The following TRAK1 variants were observed in gnomAD, a reference collection of about 807,000 sequenced individuals.
TRAK1 encodes the protein trafficking kinesin-binding protein 1.
A neutral mutation model predicts 92.1 loss-of-function variants in TRAK1; 33 were observed. The ratio of observed to expected loss-of-function variants is 0.36; its 90% CI spans 0.27 to 0.48. TRAK1 has a LOEUF of 0.48. TRAK1 is among the 20% of genes least tolerant of loss of function. The pLI is 0.99. For missense variants in TRAK1, 1,123 were observed against 1,257.9 expected, an observed-to-expected ratio of 0.89 and a Z score of 1.62; for synonymous variants, 521 against 517.3, an observed-to-expected ratio of 1.01 and a Z score of -0.10.
At chr3:42,210,065 G>A in intron 14 of TRAK1, 80 bp downstream of exon 14, 1 of 1,610,242 alleles carries the variant, frequency 6.2e-7, no homozygotes, top group Non-Finnish European at 8.5e-7. Context: ...CAGAGGAGAT[G>A]CAGGAGCCGC....
intron 13 of TRAK1, 144 bp from the exon 14 acceptor site, chr3:42,209,623 C>G: frequency 1.3e-6 from 1 of 751,784 alleles, no homozygotes; most frequent in Non-Finnish European, 2.1e-6. Context: ...CACTGAAGTT[C>G]CCGCTGCAGT....
intron 6 of TRAK1, among the ~76,000 whole-genome samples, chr3:42,189,626 G>A (rs938544808): frequency 3.3e-5 from 5 of 152,100 alleles, no homozygotes; most frequent in East Asian, 1.9e-4. Context: ...CGCCTCCCAG[G>A]TTCAAGCTAT....
chr3:42,168,440 C>G (rs11710267), intron 2 of TRAK1, among the ~76,000 whole-genome samples: 113 of 152,156 alleles, frequency 7.4e-4, no homozygotes, highest in Non-Finnish European at 9.1e-4. Context: ...CTAGACAATT[C>G]AAAGATTTTC....
chr3:42,079,420 C>A (rs1387676353), intron 1 of TRAK1, among the ~76,000 whole-genome samples: 1 of 150,474 alleles, frequency 6.6e-6, no homozygotes, highest in Non-Finnish European at 1.5e-5. Flanking sequence ...ACCTGGTGCT[C>A]TGGTTCTCAT....
At chr3:42,083,124 A>G (rs928957265), upstream of TRAK1, among the ~76,000 whole-genome samples, 3 of 152,244 alleles carry the variant, frequency 2.0e-5, no homozygotes, top group African/African-American at 7.2e-5. Context: ...CCAGTAATAC[A>G]TAAGACTATA....
At chr3:42,162,446 A>G (rs1701376377) in intron 2 of TRAK1, among the ~76,000 whole-genome samples, 1 of 152,160 alleles carries the variant, frequency 6.6e-6, no homozygotes, top group Admixed American at 6.6e-5. Flanking sequence ...GAGCCCAGGA[A>G]CACAGGCTCA....
intron 2 of TRAK1, among the ~76,000 whole-genome samples, chr3:42,171,403 C>T (rs1283618271): frequency 6.6e-6 from 1 of 152,146 alleles, no homozygotes; most frequent in African/African-American, 2.4e-5. Flanking sequence ...TTAAAGAAGA[C>T]TGATAAGACC....
chr3:42,106,648 G>A (rs545130886), intron 1 of TRAK1, among the ~76,000 whole-genome samples: 1 of 152,244 alleles, frequency 6.6e-6, no homozygotes, highest in African/African-American at 2.4e-5. Flanking sequence ...TTTGTATTCT[G>A]CTTTGTAGGT....
chr3:42,079,485 T>TTG (rs1225692675), intron 1 of TRAK1, among the ~76,000 whole-genome samples: 27 of 148,780 alleles, frequency 1.8e-4, no homozygotes, highest in Non-Finnish European at 7.4e-5. Context: ...TTCTTTTTTT[T>TTG]TTTTTTTTGT....
intron 2 of TRAK1, among the ~76,000 whole-genome samples, chr3:42,131,618 T>G (rs935408537): frequency 2.0e-5 from 3 of 151,744 alleles, no homozygotes; most frequent in African/African-American, 4.8e-5. Context: ...CTTGGGAGGC[T>G]GAGACAGGAG....
chr3:42,105,279 T>G (rs146515486), intron 1 of TRAK1, among the ~76,000 whole-genome samples: 67 of 152,344 alleles, frequency 4.4e-4, no homozygotes, highest in African/African-American at 1.6e-3. Flanking sequence ...AAAAAAAGAT[T>G]AGACAAATGG....
At chr3:42,151,430 A>C (rs762658311) in intron 2 of TRAK1, 3 of 450,018 alleles carry the variant, frequency 6.7e-6, no homozygotes, top group South Asian at 4.8e-5. Context: ...CAACTGTTCA[A>C]GGGTAAATAT....
chr3:42,215,409 A>G (rs1370832674), intron 14 of TRAK1, among the ~76,000 whole-genome samples: 1 of 152,250 alleles, frequency 6.6e-6, no homozygotes, highest in Non-Finnish European at 1.5e-5. Context: ...AGTCCAAGAC[A>G]CACCCTTAAG....
chr3:42,201,883 G>GACACACAC lies in TRAK1; in HGVS notation c.1428-512_1428-505dup, dbSNP rs56336064. Among the ~76,000 whole-genome samples, 427 of 125,118 alleles carry GACACACAC rather than the reference G, an allele frequency of 3.4e-3. 3 individuals carry two copies. Among genetic ancestry groups the GACACACAC allele is most frequent in the African/African-American group, 0.011 (357 of 32,340 alleles). 82.1% of individuals were successfully genotyped at this position (125,118 alleles called of 152,430 possible). On this transcript the variant is annotated intron_variant, in intron 12 of 15. Coordinates refer to ENST00000327628, the MANE Select transcript of TRAK1 (RefSeq NM_001042646.3). Reference sequence around the variant, plus strand: ...GGACGGACGGACGGACGGACAGACGGACACACACACACACACACACACACA... The same window carrying GACACACAC: ...GGACGGACGGACGGACGGACAGACGGACACACACACACACACACACACACACACACACA...
At chr3:42,206,707 A>G (rs1349846700) in intron 13 of TRAK1, among the ~76,000 whole-genome samples, 1 of 152,238 alleles carries the variant, frequency 6.6e-6, no homozygotes, top group African/African-American at 2.4e-5. Flanking sequence ...GGCATGGGAT[A>G]AAAATCTGAG....
chr3:42,066,409 T>C (rs945646803), intron 1 of TRAK1, among the ~76,000 whole-genome samples: 1 of 152,044 alleles, frequency 6.6e-6, no homozygotes, highest in African/African-American at 2.4e-5. Context: ...TCACTTGCTC[T>C]GAAATGGGAT....
chr3:42,213,168 C>G (rs1709284846), intron 14 of TRAK1, among the ~76,000 whole-genome samples: 1 of 149,736 alleles, frequency 6.7e-6, no homozygotes, highest in Admixed American at 6.8e-5. Context: ...AGTGCTTTTC[C>G]TGCCTCAGCC....
chr3:42,207,356 G>A (rs542028660), intron 13 of TRAK1, among the ~76,000 whole-genome samples: 1 of 152,262 alleles, frequency 6.6e-6, no homozygotes, highest in East Asian at 1.9e-4. Context: ...GGCAGGCCCT[G>A]GACACCCATC....
chr3:42,181,418 C>A (rs1484847019), intron 3 of TRAK1, among the ~76,000 whole-genome samples: 1 of 152,148 alleles, frequency 6.6e-6, no homozygotes, highest in African/African-American at 2.4e-5. Context: ...GTGGCGTGTG[C>A]CTGTAGTCCC....
Sources: gnomAD v4.1 joint callset for allele counts (sites outside exome capture counted in the v4.1 genomes callset) on GRCh38, gnomAD v4.1.1 for gene constraint, MANE v1.5 for transcripts, NCBI Gene and HGNC (gene_info 2026-07-23, HGNC 2026-07-21) for gene names.